Variants in MICALL1 observed in about 807,000 individuals in gnomAD.
MICALL1 encodes MICAL-like protein 1.
Under a neutral mutation model 83.7 loss-of-function variants are expected in MICALL1, and 61 were observed. The observed-to-expected ratio is 0.73, with a 90% CI of 0.59 to 0.90. The LOEUF is 0.90. MICALL1 is among the 40% of genes least tolerant of loss of function. The pLI, the probability that MICALL1 is intolerant of heterozygous loss-of-function variation, is 0.00. For missense variants in MICALL1, 1,066 were observed against 1,152.0 expected (o/e 0.93, Z 1.08); for synonymous variants, 481 against 473.6 (o/e 1.02, Z -0.20).
rs747725831 is a variant in MICALL1 at position 37,927,450 on chromosome 22, C to T, written c.1505C>T (p.Ser502Leu). 68 of 1,600,794 alleles carry T rather than the reference C, an allele frequency of 4.2e-5. No homozygotes were observed. The highest frequency in any genetic ancestry group is 5.6e-5 in the Non-Finnish European group (66 of 1,171,696). The change falls in exon 9 of 16, where the codon TCG (serine) becomes TTG (leucine). Residue 502 changes from serine (S) to leucine (L), a missense_variant. Ser to Leu is a moderately radical substitution (Grantham distance 145). Transcript: ENST00000215957. ...CGCCTCTCGCACTCGGAGCCGCCCT[C>T]GGCCACACCATCGCCAGCGCTCAGC... ...ASRLSHSEPPSATPSPALSVE... is the reference protein window; with the variant it reads ...ASRLSHSEPPLATPSPALSVE...
In MICALL1 at chr22:37,906,595, G is replaced by A. The variant is rs1374824898; in HGVS notation, c.146+27G>A. 4 of 1,158,014 alleles carry A rather than the reference G, an allele frequency of 3.5e-6. No individual in the cohort carries two copies. The East Asian group carries it at 1.6e-4, about 47-fold the overall frequency. 71.7% of individuals were successfully genotyped at this position (1,158,014 alleles called of 1,614,324 possible). A position where few individuals can be genotyped will look rare whatever the true frequency, so the allele number is the denominator to read the frequency against. ...TGAGTGCGGGGCCCCGGGCGAGCGG[G>A]CGGCGCGGGGCGGGCTGGGGCCGCG... On this transcript the variant is annotated intron_variant, in intron 1 of 15. Transcript: ENST00000215957. This position sits in a 1 kb window ranked among gnomAD's most constrained non-coding sequence, Gnocchi z 4.4.
intron 7 of MICALL1, 22 bp from the exon 8 acceptor site, chr22:37,925,639 T>C: frequency 6.3e-7 from 1 of 1,582,496 alleles, no homozygotes; most frequent in Non-Finnish European, 8.6e-7. Context: ...TAATGGTTTC[T>C]GCTGCTTCCC....
In MICALL1 at chr22:37,906,732, C is replaced by G. The variant is rs915146764; in HGVS notation, c.146+164C>G. 2.1e-6 allele frequency: 1 copy of G among 482,358 alleles called. No homozygotes were observed. The highest frequency in any genetic ancestry group is 2.1e-5 in the African/African-American group (1 of 48,130). 29.9% of individuals were successfully genotyped at this position (482,358 alleles called of 1,614,324 possible). ...CGGACGCCGGGCGGGTCCCTGAGACCCCGGCCCAGGGCGCCCCTCCCCCGC... is the reference window on the plus strand; with the variant it reads ...CGGACGCCGGGCGGGTCCCTGAGACGCCGGCCCAGGGCGCCCCTCCCCCGC... On this transcript the variant is annotated intron_variant, in intron 1 of 15. Coordinates refer to ENST00000215957, the MANE Select transcript of MICALL1 (RefSeq NM_033386.4). This position sits in a 1 kb window ranked among gnomAD's most constrained non-coding sequence, Gnocchi z 4.4.
At chr22:37,940,100 A>G (rs1217007474) in intron 15 of MICALL1, among the ~76,000 whole-genome samples, 1 of 151,324 alleles carries the variant, frequency 6.6e-6, no homozygotes, top group East Asian at 2.0e-4. Flanking sequence ...AAAGAAAAAG[A>G]AAAAGATAAA....
At chr22:37,939,918 C>T (rs904874852) in intron 15 of MICALL1, among the ~76,000 whole-genome samples, 5 of 151,872 alleles carry the variant, frequency 3.3e-5, no homozygotes, top group South Asian at 2.1e-4. Flanking sequence ...GGTGTAACCC[C>T]GTCTCTACTA....
At chr22:37,922,783 TTTG>T (rs1383868331) in intron 6 of MICALL1, among the ~76,000 whole-genome samples, 28 of 134,144 alleles carry the variant, frequency 2.1e-4, no homozygotes, top group Non-Finnish European at 3.7e-4. Flanking sequence ...CTAATTTTGT[TTTG>T]TTTTTTTTTG....
rs753315705 is a variant in MICALL1, at chr22:37,925,684, C to A, written c.1106C>A (p.Pro369His). 5 of 1,608,930 alleles carry A rather than the reference C, an allele frequency of 3.1e-6. No homozygotes were observed. The highest frequency in any genetic ancestry group is 3.3e-5 in the Admixed American group (2 of 59,726). ...AGGACACCAGCCCCCAGGAAGGACC[C>A]CCCATGGATCACGCTGGTGCAGGCA... ...SEGTPAPRKD[P>H]PWITLVQAEP... The change falls in exon 8 of 16, where the codon CCC (proline) becomes CAC (histidine). Residue 369 changes from proline (P) to histidine (H), a missense_variant. By Grantham distance (77) the Pro-to-His change is moderately conservative. Transcript: ENST00000215957.
chr22:37,911,668 T>G (rs1928329491), intron 1 of MICALL1, among the ~76,000 whole-genome samples: 1 of 152,214 alleles, frequency 6.6e-6, no homozygotes, highest in African/African-American at 2.4e-5. Flanking sequence ...AGCCTGGGCT[T>G]GAGCCTCACC....
chr22:37,921,138 A>G (rs530508573), intron 5 of MICALL1, among the ~76,000 whole-genome samples: 2 of 152,352 alleles, frequency 1.3e-5, no homozygotes, highest in African/African-American at 4.8e-5. Context: ...TACACTTGAC[A>G]CTGTGACTAG....
At position 37,930,388 on chromosome 22, in the gene MICALL1, T is replaced by C. The variant is rs3026628; in HGVS notation, c.1882-1411T>C. ...GCCCTGTGGGAGCCAAGCCCTGGCT[T>C]CTTGCTGTGCCCAGACCTGGGCCCC... On this transcript the variant is annotated intron_variant, in intron 9 of 15. Coordinates refer to ENST00000215957, the MANE Select transcript of MICALL1 (RefSeq NM_033386.4). This position sits in a 1 kb window ranked among gnomAD's most constrained non-coding sequence, Gnocchi z 4.8. Among the ~76,000 whole-genome samples the C allele has an allele frequency of 0.043, 6,532 of 152,154 alleles. 447 individuals carry two copies. The highest frequency in any genetic ancestry group is 0.15 in the African/African-American group (6,056 of 41,488).
intron 5 of MICALL1, among the ~76,000 whole-genome samples, chr22:37,919,994 A>G (rs918316862): frequency 4.6e-5 from 7 of 152,190 alleles, no homozygotes; most frequent in African/African-American, 1.7e-4. Flanking sequence ...CTCAAAAAAA[A>G]AATCTTTTTT....
intron 13 of MICALL1, among the ~76,000 whole-genome samples, chr22:37,934,773 T>C (rs891057019): frequency 1.3e-5 from 2 of 149,998 alleles, no homozygotes; most frequent in Non-Finnish European, 3.0e-5. Context: ...ATTTTTTGTG[T>C]TTTTAGTAGA....
rs550544521 is a variant in MICALL1 at position 37,932,119 on chromosome 22, G to A, written c.2016+186G>A. Among the ~76,000 whole-genome samples, 108 of 152,362 alleles carry A rather than the reference G, an allele frequency of 7.1e-4. No individual in the cohort carries two copies. Among genetic ancestry groups the A allele is most frequent in the African/African-American group, 2.0e-3 (84 of 41,582 alleles). On this transcript the variant is annotated intron_variant, in intron 10 of 15. Transcript: ENST00000215957. The surrounding 1 kb of genome is among the most constrained non-coding windows in gnomAD (Gnocchi z 4.4). ...TTGCAGCCTGGAGGGATTTGGAGCA[G>A]ATCAGCCCTTCACCACCAAAAGCAG... is the stretch of plus-strand genomic sequence containing the variant.
Position 37,932,995 on chromosome 22 carries a change from G to A in MICALL1, c.2235-44G>A. The A allele has an allele frequency of 6.2e-7, 1 of 1,613,642 alleles. No homozygotes were observed. The highest frequency in any genetic ancestry group is 8.5e-7 in the Non-Finnish European group (1 of 1,179,650). On this transcript the variant is annotated intron_variant, in intron 12 of 15. Coordinates refer to ENST00000215957, the MANE Select transcript of MICALL1 (RefSeq NM_033386.4). The surrounding 1 kb of genome is among the most constrained non-coding windows in gnomAD (Gnocchi z 4.4). ...TAACAGCGCAGGGCAGGGCAGCCGG[G>A]GCTCGGGCAGAATTGTTAAGAGTCA...
chr22:37,929,511 C>T (rs759445693), intron 9 of MICALL1, among the ~76,000 whole-genome samples: 3 of 152,262 alleles, frequency 2.0e-5, no homozygotes, highest in Non-Finnish European at 2.9e-5. Flanking sequence ...GGGTGTTTAC[C>T]GAGGAGAGCA....
rs1262641403 is a variant in MICALL1 at position 37,932,951 on chromosome 22, T to C, written c.2234+63T>C. On this transcript the variant is annotated intron_variant, in intron 12 of 15. Coordinates refer to ENST00000215957, the MANE Select transcript of MICALL1 (RefSeq NM_033386.4). The surrounding 1 kb of genome is among the most constrained non-coding windows in gnomAD (Gnocchi z 4.4). The stretch of plus-strand genomic sequence containing the variant: ...CGTAGAGCTTAGAATGGAGAACCCT[T>C]ACCCTCTTCCCTCATCAGTAACAGC... The C allele has an allele frequency of 8.1e-6, 13 of 1,611,782 alleles. No homozygotes were observed.
chr22:37,917,866 C>T, intron 4 of MICALL1, 71 bp downstream of exon 4: 1 of 1,321,614 alleles, frequency 7.6e-7, no homozygotes, highest in Non-Finnish European at 1.1e-6. Context: ...ACTATCATTG[C>T]AGTGACTGGG....
chr22:37,912,014 C>T lies in MICALL1; in HGVS notation c.195+14C>T, dbSNP rs764618212. On this transcript the variant is annotated intron_variant, in intron 2 of 15. Transcript: ENST00000215957. ...AATAACCGTTTGGTAAGTTCCCGGACAGGTGGAAGCCCAAGAGGCTCTGTG... is the reference window on the plus strand; with the variant it reads ...AATAACCGTTTGGTAAGTTCCCGGATAGGTGGAAGCCCAAGAGGCTCTGTG... 1 of 1,613,490 alleles carries T rather than the reference C, an allele frequency of 6.2e-7. No homozygotes were observed. The highest frequency in any genetic ancestry group is 8.5e-7 in the Non-Finnish European group (1 of 1,179,796).
intron 2 of MICALL1, 75 bp downstream of exon 2, chr22:37,912,075 G>A (rs1928365158): frequency 6.4e-7 from 1 of 1,555,888 alleles, no homozygotes; most frequent in Middle Eastern, 1.7e-4. Context: ...TTGGTGGGGA[G>A]GGCAGGGGTC....
Sources: allele counts gnomAD v4.1 joint callset (sites outside exome capture counted in the v4.1 genomes callset), GRCh38; gene constraint gnomAD v4.1.1; non-coding constraint Gnocchi (gnomAD v3.1); transcripts MANE v1.5; gene names NCBI Gene and HGNC (gene_info 2026-07-23, HGNC 2026-07-21).